The following NCOA1 variants were observed in gnomAD, a reference collection of about 807,000 sequenced individuals.
NCOA1 encodes nuclear receptor coactivator 1.
NCOA1 carries 35 observed loss-of-function variants against 150.9 expected under a neutral mutation model. The observed-to-expected ratio is 0.23, with a 90% CI of 0.18 to 0.31. NCOA1 has a LOEUF of 0.31. Ranked by LOEUF, NCOA1 falls within the 10% of genes least tolerant of loss-of-function variation. NCOA1 has a pLI of 1.00. For synonymous variants in NCOA1, 590 were observed against 630.0 expected, an observed-to-expected ratio of 0.94 and a Z score of 0.95; for missense variants, 1,491 against 1,749.3, an observed-to-expected ratio of 0.85 and a Z score of 2.63.
intron 1 of NCOA1, among the ~76,000 whole-genome samples, chr2:24,562,367 A>G (rs1473382721): frequency 6.6e-6 from 1 of 152,222 alleles, no homozygotes; most frequent in East Asian, 1.9e-4. Flanking sequence ...TAGTAAGTGT[A>G]ATGCAAATAT....
At chr2:24,527,931 C>T (rs1239007894) in intron 1 of NCOA1, among the ~76,000 whole-genome samples, 1 of 152,122 alleles carries the variant, frequency 6.6e-6, no homozygotes, top group Non-Finnish European at 1.5e-5. Flanking sequence ...TATAAAACAC[C>T]TTTTCATATA....
intron 1 of NCOA1, among the ~76,000 whole-genome samples, chr2:24,521,307 A>G (rs1664408061): frequency 6.6e-6 from 1 of 152,208 alleles, no homozygotes; most frequent in Non-Finnish European, 1.5e-5. Flanking sequence ...TATAGTTACC[A>G]TGCTGTAAAA....
intron 3 of NCOA1, among the ~76,000 whole-genome samples, chr2:24,628,270 A>T (rs540886687): frequency 6.6e-6 from 1 of 151,246 alleles, no homozygotes; most frequent in African/African-American, 2.4e-5. Flanking sequence ...ATTGCACTCC[A>T]GTCTGGGTGA....
intron 13 of NCOA1, among the ~76,000 whole-genome samples, chr2:24,710,343 C>G (rs569652563): frequency 3.5e-4 from 54 of 152,260 alleles, no homozygotes; most frequent in African/African-American, 1.3e-3. Flanking sequence ...CCACCCGCCT[C>G]AGCCTCCCAA....
At chr2:24,674,486 G>A (rs1671819935) in intron 7 of NCOA1, among the ~76,000 whole-genome samples, 2 of 152,106 alleles carry the variant, frequency 1.3e-5, no homozygotes, top group Admixed American at 6.5e-5. Flanking sequence ...GATTACAGGC[G>A]TGAGCCACTG....
chr2:24,549,387 G>A (rs990869583), intron 1 of NCOA1, among the ~76,000 whole-genome samples: 4 of 152,256 alleles, frequency 2.6e-5, no homozygotes, highest in Middle Eastern at 3.4e-3. Context: ...CTTGTGATGG[G>A]AGGGGCTGCC....
intron 12 of NCOA1, among the ~76,000 whole-genome samples, chr2:24,706,215 G>A (rs1673417132): frequency 6.6e-6 from 1 of 151,996 alleles, no homozygotes; most frequent in African/African-American, 2.4e-5. Flanking sequence ...AATGTTAATT[G>A]TGTATATTAG....
At chr2:24,572,022 T>A (rs557162287) in intron 2 of NCOA1, among the ~76,000 whole-genome samples, 3 of 152,336 alleles carry the variant, frequency 2.0e-5, no homozygotes, top group African/African-American at 7.2e-5. Context: ...AATTACCCCC[T>A]GCTTGACTTT....
intron 1 of NCOA1, among the ~76,000 whole-genome samples, chr2:24,558,087 G>A (rs1452908984): frequency 6.6e-6 from 1 of 150,980 alleles, no homozygotes; most frequent in East Asian, 1.9e-4. Flanking sequence ...TTCTTCTCCT[G>A]GGAGTAATAG....
intron 8 of NCOA1, among the ~76,000 whole-genome samples, chr2:24,686,893 C>G (rs1354143692): frequency 1.3e-5 from 2 of 151,994 alleles, no homozygotes; most frequent in Non-Finnish European, 2.9e-5. Context: ...TAAATTATTA[C>G]CAGAATGACT....
At chr2:24,576,618 T>C (rs985309712) in intron 2 of NCOA1, among the ~76,000 whole-genome samples, 3 of 152,234 alleles carry the variant, frequency 2.0e-5, no homozygotes, top group Admixed American at 2.0e-4. Flanking sequence ...TAATCTCTGT[T>C]ACTCCATCAT....
intron 4 of NCOA1, 80 bp downstream of exon 4, chr2:24,644,202 T>C (rs1051082276): frequency 6.6e-6 from 1 of 152,214 alleles, no homozygotes; most frequent in African/African-American, 2.4e-5. Context: ...TTGACTGTTA[T>C]CTTTTATGGA....
chr2:24,741,030 A>G (rs547102532), intron 18 of NCOA1, among the ~76,000 whole-genome samples: 8 of 152,278 alleles, frequency 5.3e-5, no homozygotes, highest in Admixed American at 5.2e-4. Context: ...TCCAATAATA[A>G]TACAAAATAG....
intron 3 of NCOA1, among the ~76,000 whole-genome samples, chr2:24,591,364 C>T (rs1428625774): frequency 6.6e-6 from 1 of 152,110 alleles, no homozygotes; most frequent in Admixed American, 6.6e-5. Flanking sequence ...AGGCAAGTTT[C>T]TTGATCTCTC....
At chr2:24,586,120 CA>C (rs1186019349) in intron 3 of NCOA1, among the ~76,000 whole-genome samples, 2 of 151,822 alleles carry the variant, frequency 1.3e-5, no homozygotes, top group East Asian at 3.9e-4. Flanking sequence ...ACTAAAAATA[CA>C]AAACATTAGC....
intron 7 of NCOA1, among the ~76,000 whole-genome samples, chr2:24,675,045 A>T (rs1196988449): frequency 2.0e-5 from 3 of 152,026 alleles, no homozygotes; most frequent in Non-Finnish European, 4.4e-5. Context: ...GTTACTCCTC[A>T]GCCTTTTTCT....
At chr2:24,617,111 A>G (rs531383923) in intron 3 of NCOA1, among the ~76,000 whole-genome samples, 1 of 152,128 alleles carries the variant, frequency 6.6e-6, no homozygotes, top group Non-Finnish European at 1.5e-5. Context: ...TCTTTATGGT[A>G]TGAAGTTGGG....
intron 7 of NCOA1, among the ~76,000 whole-genome samples, chr2:24,681,400 C>G (rs183384635): frequency 5.8e-4 from 89 of 152,228 alleles, no homozygotes; most frequent in African/African-American, 2.1e-3. Flanking sequence ...GATTTTTCAA[C>G]AGAAAATGCT....
At position 24,769,270 on chromosome 2, in the gene NCOA1, T is replaced by G. The variant is rs1447555145; in HGVS notation, c.*879T>G. On this transcript the variant is annotated 3_prime_UTR_variant, in exon 23 of 23. Coordinates refer to ENST00000348332, the MANE Select transcript of NCOA1 (RefSeq NM_003743.5). ...AGTAGCTTATTTTTCCCTTTAAATC[T>G]CATTGTAAATATATTTGATTTCTTG... 3 of 189,424 alleles carry G rather than the reference T, an allele frequency of 1.6e-5. No homozygotes were observed. The highest frequency in any genetic ancestry group is 2.2e-5 in the Non-Finnish European group (2 of 89,984). 11.7% of individuals were successfully genotyped at this position (189,424 alleles called of 1,614,324 possible). A position where few individuals can be genotyped will look rare whatever the true frequency, so the allele number is the denominator to read the frequency against.
Sources: gnomAD v4.1 joint callset for allele counts (sites outside exome capture counted in the v4.1 genomes callset) on GRCh38, gnomAD v4.1.1 for gene constraint, MANE v1.5 for transcripts, NCBI Gene and HGNC (gene_info 2026-07-23, HGNC 2026-07-21) for gene names.